Variants in ABCG8 observed in about 807,000 individuals in gnomAD.
ABCG8 encodes the protein ATP-binding cassette sub-family G member 8.
Under a neutral mutation model 71.3 loss-of-function variants are expected in ABCG8, and 81 were observed. The observed-to-expected ratio is 1.14, with a 90% CI of 0.95 to 1.37. The LOEUF is 1.37. Ranked by LOEUF, ABCG8 falls within the 40% of genes most tolerant of loss-of-function variation. ABCG8 has a pLI of 0.00. For missense variants in ABCG8, 1,119 were observed against 866.2 expected (o/e 1.29, Z -3.66); for synonymous variants, 451 against 354.7 (o/e 1.27, Z -3.05).
At chr2:43,877,126 G>A (rs1367068061) in intron 11 of ABCG8, among the ~76,000 whole-genome samples, 1 of 151,548 alleles carries the variant, frequency 6.6e-6, no homozygotes, top group East Asian at 1.9e-4. Flanking sequence ...GGGAATATGG[G>A]GAGACCGTGG....
intron 6 of ABCG8, 65 bp downstream of exon 6, chr2:43,852,933 C>T (rs1440308123): frequency 1.4e-5 from 22 of 1,580,834 alleles, no homozygotes; most frequent in Non-Finnish European, 1.8e-5. Flanking sequence ...TTAAACCCTG[C>T]CCAAGCTTGC....
intron 6 of ABCG8, among the ~76,000 whole-genome samples, chr2:43,866,095 A>G (rs1391139161): frequency 1.3e-5 from 2 of 152,110 alleles, no homozygotes; most frequent in Admixed American, 6.6e-5. Flanking sequence ...GCAATGGGGA[A>G]AGGATTCCCT....
At chr2:43,849,400 C>T (rs989637888) in intron 3 of ABCG8, among the ~76,000 whole-genome samples, 2 of 152,112 alleles carry the variant, frequency 1.3e-5, no homozygotes, top group African/African-American at 4.8e-5. Flanking sequence ...GGAGGAACTG[C>T]CAAAAACTTT....
In ABCG8 at chr2:43,846,458, C is replaced by T. The variant is rs1027411165; in HGVS notation, c.322+147C>T. ...CTGAGAACACAGGTTCTGGGTCAGA[C>T]AGACCTGGGCTCAAATCCTGGCTCC... On this transcript the variant is annotated intron_variant, in intron 3 of 12. Coordinates refer to ENST00000272286, the MANE Select transcript of ABCG8 (RefSeq NM_022437.3). 57 of 1,188,750 alleles carry T rather than the reference C, an allele frequency of 4.8e-5. No individual in the cohort carries two copies. In the African/African-American group the frequency reaches 8.4e-4, roughly 17 times the overall value. The allele number at this position is 1,188,750 out of a possible 1,614,324, so 73.6% of individuals were successfully genotyped here.
intron 1 of ABCG8, among the ~76,000 whole-genome samples, chr2:43,841,245 C>A (rs1021772228): frequency 2.0e-5 from 3 of 152,176 alleles, no homozygotes; most frequent in African/African-American, 7.2e-5. Context: ...TTCCTTCTTG[C>A]CTAGGCATCT....
intron 6 of ABCG8, among the ~76,000 whole-genome samples, chr2:43,869,449 A>C (rs1454852990): frequency 2.6e-5 from 4 of 151,388 alleles, no homozygotes; most frequent in African/African-American, 9.7e-5. Flanking sequence ...AACTCTCACT[A>C]TCTATCTGGA....
chr2:43,875,364 C>A lies in ABCG8; in HGVS notation c.1707C>A (p.Ser569=). The change falls in exon 11 of 13, where the codon TCC becomes TCA. Residue 569 remains serine, a synonymous_variant. Transcript: ENST00000272286. ...ASFFSNALYN[S]FYLAGGFMIN... ...TCTTCAGCAATGCCCTCTACAACTC[C>A]TTCTACCTCGCCGGGGGCTTCATGA... The A allele has an allele frequency of 1.2e-6, 2 of 1,614,154 alleles. No homozygotes were observed. Among genetic ancestry groups the A allele is most frequent in the Non-Finnish European group, 1.7e-6 (2 of 1,180,036 alleles).
At chr2:43,875,062 TG>T in intron 10 of ABCG8, 83 bp from the exon 11 acceptor site, 4 of 1,591,368 alleles carry the variant, frequency 2.5e-6, no homozygotes, top group Non-Finnish European at 1.7e-6. Context: ...GGTTGCTATC[TG>T]GGGGCACTGC....
At chr2:43,873,510 G>T (rs1669851353) in intron 8 of ABCG8, among the ~76,000 whole-genome samples, 1 of 152,092 alleles carries the variant, frequency 6.6e-6, no homozygotes, top group East Asian at 1.9e-4. Context: ...CATCTTTATG[G>T]AAGTAATTGA....
At chr2:43,872,748 T>C (rs1188339937) in intron 8 of ABCG8, among the ~76,000 whole-genome samples, 1 of 152,138 alleles carries the variant, frequency 6.6e-6, no homozygotes, top group East Asian at 1.9e-4. Context: ...GCACTAACCT[T>C]CAGTGCGACA....
intron 3 of ABCG8, among the ~76,000 whole-genome samples, chr2:43,849,105 CA>C (rs1304532316): frequency 6.6e-6 from 1 of 150,844 alleles, no homozygotes; most frequent in African/African-American, 2.4e-5. Context: ...TCAGCAATGC[CA>C]AAAGTGGTTT....
At chr2:43,840,481 C>T (rs1377666286) in intron 1 of ABCG8, among the ~76,000 whole-genome samples, 1 of 152,184 alleles carries the variant, frequency 6.6e-6, no homozygotes, top group Non-Finnish European at 1.5e-5. Context: ...ATTTCTGCTT[C>T]CCTTCTGTCC....
intron 10 of ABCG8, 139 bp from the exon 11 acceptor site, chr2:43,875,007 C>T: frequency 1.6e-6 from 2 of 1,236,550 alleles, no homozygotes; most frequent in Non-Finnish European, 2.3e-6. Context: ...GCTCCTGGGT[C>T]CCAGCACACC....
chr2:43,848,048 A>C (rs1459033558), intron 3 of ABCG8: 1 of 152,122 alleles, frequency 6.6e-6, no homozygotes, highest in Admixed American at 6.6e-5. Context: ...TACAGGCATG[A>C]GTCACTGCAC....
intron 1 of ABCG8, among the ~76,000 whole-genome samples, chr2:43,843,651 C>T (rs1480417525): frequency 6.6e-6 from 1 of 152,054 alleles, no homozygotes; most frequent in African/African-American, 2.4e-5. Context: ...GAGACCCAAT[C>T]CAAAGAAAAA....
rs751555748 is a variant in ABCG8, at chr2:43,873,852, T to G, written c.1277T>G (p.Leu426Arg). 1 of 1,614,160 alleles carries G rather than the reference T, an allele frequency of 6.2e-7. No individual in the cohort carries two copies. The highest frequency in any genetic ancestry group is 1.1e-5 in the South Asian group (1 of 91,068). Reference sequence around the variant, plus strand: ...CTCATCCATGGGGCGGAGGCCTGTCTGATGTCAATGACCATCGGCTTCCTC... The same window carrying G: ...CTCATCCATGGGGCGGAGGCCTGTCGGATGTCAATGACCATCGGCTTCCTC... Reference protein sequence around the residue: ...TLLIHGAEACLMSMTIGFLYF... With the variant: ...TLLIHGAEACRMSMTIGFLYF... The change falls in exon 9 of 13, where the codon CTG becomes CGG. Residue 426 changes from leucine (L) to arginine (R), a missense_variant. Coordinates refer to ENST00000272286, the MANE Select transcript of ABCG8 (RefSeq NM_022437.3).
At chr2:43,870,883 T>C (rs1669741573) in intron 6 of ABCG8, among the ~76,000 whole-genome samples, 1 of 151,718 alleles carries the variant, frequency 6.6e-6, no homozygotes, top group African/African-American at 2.4e-5. Context: ...TCATTAGATC[T>C]CTCACTGTCT....
Position 43,878,254 on chromosome 2 carries a change from T to A in ABCG8, c.*341T>A. 1 of 369,030 alleles carries A rather than the reference T, an allele frequency of 2.7e-6. No homozygotes were observed. The highest frequency in any genetic ancestry group is 5.3e-6 in the Non-Finnish European group (1 of 189,698). The allele number at this position is 369,030 out of a possible 1,614,324, so 22.9% of individuals were successfully genotyped here. Reference sequence around the variant, plus strand: ...GCAAACTAGGAATGAATTGGGTAGCTAGACTGTGCAGGAATTGTTGGAACC... The same window carrying A: ...GCAAACTAGGAATGAATTGGGTAGCAAGACTGTGCAGGAATTGTTGGAACC... On this transcript the variant is annotated 3_prime_UTR_variant, in exon 13 of 13. Coordinates refer to ENST00000272286, the MANE Select transcript of ABCG8 (RefSeq NM_022437.3).
intron 6 of ABCG8, 88 bp from the exon 7 acceptor site, chr2:43,871,888 A>G (rs1669787168): frequency 6.3e-7 from 1 of 1,576,802 alleles, no homozygotes; most frequent in Non-Finnish European, 8.7e-7. Flanking sequence ...GGTGATCAGC[A>G]TTGTGAGCTG....
Sources: gnomAD v4.1 joint callset for allele counts (sites outside exome capture counted in the v4.1 genomes callset) on GRCh38, gnomAD v4.1.1 for gene constraint, MANE v1.5 for transcripts, NCBI Gene and HGNC (gene_info 2026-07-23, HGNC 2026-07-21) for gene names.